RBMS3: variants seen among roughly 807,000 people sequenced by gnomAD.
The protein encoded by RBMS3 is RNA binding motif single stranded interacting protein 3.
Under a neutral mutation model 66.8 loss-of-function variants are expected in RBMS3, and 27 were observed. The ratio of observed to expected loss-of-function variants is 0.40; its 90% CI spans 0.30 to 0.56. The LOEUF (loss-of-function observed/expected upper bound fraction) is 0.56, where lower values mean the gene tolerates loss of function less well. RBMS3 is among the 20% of genes least tolerant of loss of function. The pLI is 0.40. For synonymous variants in RBMS3, 188 were observed against 183.0 expected, an observed-to-expected ratio of 1.03 and a Z score of -0.22; for missense variants, 513 against 549.5, an observed-to-expected ratio of 0.93 and a Z score of 0.66.
intron 4 of RBMS3, among the ~76,000 whole-genome samples, chr3:29,656,240 G>C (rs2050323468): frequency 6.6e-6 from 1 of 152,130 alleles, no homozygotes; most frequent in South Asian, 2.1e-4. Flanking sequence ...TCACCACCCA[G>C]TCACTGGCTG....
At chr3:29,996,360 G>C (rs994274777) in intron 14 of RBMS3, among the ~76,000 whole-genome samples, 3 of 148,360 alleles carry the variant, frequency 2.0e-5, no homozygotes, top group African/African-American at 7.4e-5. Context: ...ACAGATCAAC[G>C]AGACAGAAAG....
intron 4 of RBMS3, among the ~76,000 whole-genome samples, chr3:29,673,561 A>C (rs116110530): frequency 1.3e-5 from 2 of 152,090 alleles, no homozygotes; most frequent in Admixed American, 6.5e-5. Context: ...ATAAAAAATA[A>C]TAAAAGTGAT....
chr3:29,369,552 GGAGA>G (rs934697689), intron 1 of RBMS3, among the ~76,000 whole-genome samples: 1 of 146,864 alleles, frequency 6.8e-6, no homozygotes. Flanking sequence ...AGGGTGAGGA[GGAGA>G]GAGGGAACAA....
intron 1 of RBMS3, among the ~76,000 whole-genome samples, chr3:29,401,458 T>C (rs1193399482): frequency 2.0e-5 from 3 of 152,046 alleles, no homozygotes; most frequent in Non-Finnish European, 2.9e-5. Flanking sequence ...TTTAGGACAA[T>C]ATATACCTCT....
chr3:29,783,554 C>A (rs1322511112), intron 6 of RBMS3, among the ~76,000 whole-genome samples: 1 of 152,094 alleles, frequency 6.6e-6, no homozygotes, highest in Non-Finnish European at 1.5e-5. Context: ...AGCTCTAAAT[C>A]TTGAAATAAA....
Position 30,005,445 on chromosome 3 carries a change from C to A in RBMS3, c.*1583C>A, listed in dbSNP as rs1450716786. On this transcript the variant is annotated 3_prime_UTR_variant, in exon 15 of 15. Transcript: ENST00000383767. ...ATGCTTATTTAACAGGTGGAATATT[C>A]TTTATATGAAATTTCAGCTAAAGAC... The A allele has an allele frequency of 1.3e-5, 2 of 151,796 alleles. No homozygotes were observed. Among genetic ancestry groups the A allele is most frequent in the Admixed American group, 1.3e-4 (2 of 15,214 alleles). The allele number at this position is 151,796 out of a possible 1,614,324, so 9.4% of individuals were successfully genotyped here.
chr3:29,578,927 G>C (rs1020842488), intron 3 of RBMS3, among the ~76,000 whole-genome samples: 1 of 142,506 alleles, frequency 7.0e-6, no homozygotes, highest in East Asian at 2.5e-4. Context: ...TCAGCCTCCC[G>C]AGTAGCTGGG....
At chr3:29,369,487 A>AACACACACAC (rs59274434) in intron 1 of RBMS3, among the ~76,000 whole-genome samples, 3,301 of 135,186 alleles carry the variant, frequency 0.024, 72 homozygotes, top group East Asian at 0.1. Context: ...ATCACTCCTT[A>AACACACACAC]ACACACACAC....
intron 1 of RBMS3, among the ~76,000 whole-genome samples, chr3:29,325,661 CACAT>C (rs767019032): frequency 0.11 from 16,487 of 145,736 alleles, 923 homozygotes; most frequent in Middle Eastern, 0.14. Flanking sequence ...CACACACACA[CACAT>C]ACACACACAT....
At chr3:29,319,494 C>T (rs984678522) in intron 1 of RBMS3, among the ~76,000 whole-genome samples, 18 of 151,820 alleles carry the variant, frequency 1.2e-4, no homozygotes, top group East Asian at 1.9e-4. Context: ...GCAGAAATGC[C>T]GTAAGGGAGG....
chr3:29,411,229 G>A (rs763501176), intron 1 of RBMS3, among the ~76,000 whole-genome samples: 5 of 152,102 alleles, frequency 3.3e-5, no homozygotes, highest in Middle Eastern at 3.2e-3. Context: ...CATTCTCAAC[G>A]AAGGTAAGGT....
intron 4 of RBMS3, among the ~76,000 whole-genome samples, chr3:29,721,259 G>A (rs1018631422): frequency 6.6e-6 from 1 of 152,008 alleles, no homozygotes. Flanking sequence ...TTGCACACAT[G>A]TAAGGACTCT....
intron 4 of RBMS3, among the ~76,000 whole-genome samples, chr3:29,629,191 A>G (rs1405553055): frequency 2.0e-5 from 3 of 152,180 alleles, no homozygotes; most frequent in Non-Finnish European, 4.4e-5. Flanking sequence ...TGATGGGACT[A>G]TCTACTTTCT....
intron 3 of RBMS3, among the ~76,000 whole-genome samples, chr3:29,579,798 C>T (rs755335794): frequency 7.2e-5 from 11 of 152,158 alleles, no homozygotes; most frequent in Non-Finnish European, 1.5e-4. Context: ...CTGCCAAGTA[C>T]GCTGCTCCTT....
At chr3:29,400,345 C>T (rs12633847) in intron 1 of RBMS3, among the ~76,000 whole-genome samples, 10,537 of 151,912 alleles carry the variant, frequency 0.069, 634 homozygotes, top group East Asian at 0.29. Flanking sequence ...TGTACAATTC[C>T]ACTTACGTGA....
At chr3:29,336,813 A>G (rs2035981379) in intron 1 of RBMS3, among the ~76,000 whole-genome samples, 1 of 152,158 alleles carries the variant, frequency 6.6e-6, no homozygotes, top group Admixed American at 6.5e-5. Context: ...CTGCTTTGCC[A>G]TCATGTTTTC....
intron 6 of RBMS3, among the ~76,000 whole-genome samples, chr3:29,848,347 C>A (rs1345206948): frequency 6.6e-6 from 1 of 152,146 alleles, no homozygotes; most frequent in African/African-American, 2.4e-5. Context: ...TCCCTTACTC[C>A]TTTATAATTC....
intron 7 of RBMS3, among the ~76,000 whole-genome samples, chr3:29,882,480 C>T (rs1166526693): frequency 6.6e-6 from 1 of 151,998 alleles, no homozygotes; most frequent in Non-Finnish European, 1.5e-5. Flanking sequence ...CTCAGTGCAC[C>T]TCTGTTAACT....
At chr3:29,472,827 A>C (rs2042786275) in intron 2 of RBMS3, among the ~76,000 whole-genome samples, 1 of 152,152 alleles carries the variant, frequency 6.6e-6, no homozygotes, top group African/African-American at 2.4e-5. Context: ...GAGCGAAAGA[A>C]CAAAGCTTTC....
Sources: gnomAD v4.1 joint callset for allele counts (sites outside exome capture counted in the v4.1 genomes callset) on GRCh38, gnomAD v4.1.1 for gene constraint, MANE v1.5 for transcripts, NCBI Gene and HGNC (gene_info 2026-07-23, HGNC 2026-07-21) for gene names.